Variants in DMD observed in about 807,000 individuals in gnomAD.
DMD encodes the protein dystrophin.
Under a neutral mutation model 330.1 loss-of-function variants are expected in DMD, and 63 were observed. The observed-to-expected ratio is 0.19, with a 90% confidence interval of 0.16 to 0.24. The LOEUF is 0.24. Among genes scored for constraint, DMD ranks in the 10% least tolerant of loss-of-function variants. The pLI, the probability that DMD is intolerant of heterozygous loss-of-function variation, is 1.00. For synonymous variants in DMD, 1,223 were observed against 959.8 expected, an observed-to-expected ratio of 1.27 and a Z score of -5.07; for missense variants, 3,344 against 2,684.1, an observed-to-expected ratio of 1.25 and a Z score of -5.43.
intron 55 of DMD, among the ~76,000 whole-genome samples, chrX:31,597,552 C>T (rs2077163435): frequency 9.0e-6 from 1 of 111,670 alleles, no homozygotes; most frequent in Non-Finnish European, 1.9e-5. Context: ...AAACTCTCTC[C>T]TCTCTGCTTC....
At chrX:31,372,578 C>T (rs1602256569) in intron 60 of DMD, among the ~76,000 whole-genome samples, 1 of 111,599 alleles carries the variant, frequency 9.0e-6, no homozygotes, top group Non-Finnish European at 1.9e-5. Flanking sequence ...ATTTGTGTGA[C>T]CTTAAAAAAT....
intron 13 of DMD, among the ~76,000 whole-genome samples, chrX:32,592,014 G>A (rs1304206321): frequency 1.8e-5 from 2 of 112,328 alleles, no homozygotes; most frequent in African/African-American, 6.5e-5. Flanking sequence ...CTGGACTTTG[G>A]GCACTGATGA....
At chrX:32,101,830 C>T (rs1309255513) in intron 44 of DMD, among the ~76,000 whole-genome samples, 1 of 111,065 alleles carries the variant, frequency 9.0e-6, no homozygotes, top group Non-Finnish European at 1.9e-5. Context: ...CGTGGCAGCA[C>T]CGGGAGATTG....
intron 25 of DMD, among the ~76,000 whole-genome samples, chrX:32,455,624 G>A (rs1603633887): frequency 9.0e-6 from 1 of 111,039 alleles, no homozygotes. Flanking sequence ...GCCAACCAAA[G>A]TGTAGAGACT....
chrX:31,380,594 T>C (rs2060127360), intron 60 of DMD, among the ~76,000 whole-genome samples: 1 of 111,533 alleles, frequency 9.0e-6, no homozygotes, highest in African/African-American at 3.3e-5. Context: ...TTCCCCCATT[T>C]TACCTGTCCT....
intron 7 of DMD, among the ~76,000 whole-genome samples, chrX:32,737,433 C>T (rs1031911733): frequency 9.1e-6 from 1 of 110,457 alleles, no homozygotes; most frequent in African/African-American, 3.3e-5. Flanking sequence ...TGCTGGTAGA[C>T]CACAGCCAGT....
At position 33,105,974 on chromosome X, in the gene DMD, T is replaced by C. The variant is rs1032209618; in HGVS notation, c.32-85774A>G. Among the ~76,000 whole-genome samples the C allele has an allele frequency of 2.7e-5, 3 of 110,493 alleles. No homozygotes were observed. In the Admixed American group the frequency reaches 2.9e-4, roughly 11 times the overall value. On this transcript the variant is annotated intron_variant, in intron 1 of 78. Transcript: ENST00000357033. ...TATGAAAAAGGCACCTGCATACATA[T>C]GTTTATTGCAGCACAATTCACAATC...
intron 1 of DMD, among the ~76,000 whole-genome samples, chrX:33,146,944 T>G (rs2048062387): frequency 9.1e-6 from 1 of 110,450 alleles, no homozygotes; most frequent in East Asian, 2.9e-4. Context: ...TGCCTCAGCC[T>G]CCCGAGTAGC....
intron 1 of DMD, among the ~76,000 whole-genome samples, chrX:33,040,606 T>G (rs1292860432): frequency 9.0e-6 from 1 of 111,139 alleles, no homozygotes; most frequent in Non-Finnish European, 1.9e-5. Context: ...GACTGTAGTG[T>G]TCTGAAGGTT....
At chrX:32,636,184 C>T (rs895265599) in intron 11 of DMD, among the ~76,000 whole-genome samples, 3 of 112,236 alleles carry the variant, frequency 2.7e-5, no homozygotes, top group Non-Finnish European at 3.8e-5. Flanking sequence ...ACAGCACCTT[C>T]TTTCCCAACA....
chrX:31,871,491 T>C (rs2093888763), intron 48 of DMD, among the ~76,000 whole-genome samples: 1 of 110,208 alleles, frequency 9.1e-6, no homozygotes, highest in Admixed American at 9.8e-5. Context: ...GAGAGGGTAT[T>C]ACATATTTTT....
intron 61 of DMD, among the ~76,000 whole-genome samples, chrX:31,342,415 G>C (rs2057826790): frequency 8.9e-6 from 1 of 111,737 alleles, no homozygotes; most frequent in Non-Finnish European, 1.9e-5. Flanking sequence ...TAAAACTGGA[G>C]AACTATAGAC....
At chrX:32,515,592 C>T (rs1165737948) in intron 18 of DMD, among the ~76,000 whole-genome samples, 2 of 111,271 alleles carry the variant, frequency 1.8e-5, no homozygotes, top group African/African-American at 3.3e-5. Flanking sequence ...CATGTGCTCA[C>T]GGAAAAAATT....
intron 7 of DMD, among the ~76,000 whole-genome samples, chrX:32,732,764 G>A (rs1445236712): frequency 9.5e-4 from 105 of 109,966 alleles, no homozygotes; most frequent in African/African-American, 2.9e-3. Flanking sequence ...TGAAGGAAGC[G>A]CTAAACATGG....
intron 23 of DMD, 31 bp from the exon 24 acceptor site, chrX:32,464,730 G>T: frequency 1.0e-6 from 1 of 991,139 alleles, no homozygotes; most frequent in Non-Finnish European, 1.4e-6. Flanking sequence ...AGGCATTACT[G>T]GTGTGCTGAT....
Position 32,438,339 on chromosome X carries a change from T to A in DMD, c.3973A>T (p.Ile1325Leu). Residue 1325 changes from isoleucine (I) to leucine (L), a missense_variant, in exon 29 of 79, where the codon ATA becomes TTA. Transcript: ENST00000357033. ...CCATCTGTTAGGGTCTGTGCCAATATGCGAATCTGATTTGGGTTATCCTCT... is the reference window on the plus strand; with the variant it reads ...CCATCTGTTAGGGTCTGTGCCAATAAGCGAATCTGATTTGGGTTATCCTCT... ...HSEDNPNQIRILAQTLTDGGV... is the reference protein window; with the variant it reads ...HSEDNPNQIRLLAQTLTDGGV... 8.3e-7 allele frequency: 1 copy of A among 1,211,751 alleles called. No individual in the cohort carries two copies. The highest frequency in any genetic ancestry group is 1.1e-6 in the Non-Finnish European group (1 of 895,402).
chrX:31,967,356 T>TG, intron 45 of DMD, among the ~76,000 whole-genome samples: 3 of 67,565 alleles, frequency 4.4e-5, no homozygotes, highest in Non-Finnish European at 6.0e-5. Context: ...GTGTGTGTGT[T>TG]TAGGTCAACT....
At chrX:32,888,033 A>G (rs1186677720) in intron 2 of DMD, among the ~76,000 whole-genome samples, 1 of 110,777 alleles carries the variant, frequency 9.0e-6, no homozygotes, top group African/African-American at 3.3e-5. Context: ...CAACAACCCA[A>G]TTAAATATGG....
chrX:31,266,244 GTTCT>G (rs759106938), intron 62 of DMD, among the ~76,000 whole-genome samples: 194 of 96,732 alleles, frequency 2.0e-3, no homozygotes, highest in Non-Finnish European at 3.1e-3. Context: ...TTAGTTGTTT[GTTCT>G]TTCTTTCCTG....
Sources: allele counts gnomAD v4.1 joint callset (sites outside exome capture counted in the v4.1 genomes callset), GRCh38; gene constraint gnomAD v4.1.1; transcripts MANE v1.5; gene names NCBI Gene and HGNC (gene_info 2026-07-23, HGNC 2026-07-21).